Variants in MYO5C observed in about 807,000 individuals in gnomAD.
MYO5C encodes the protein unconventional myosin-Vc.
MYO5C carries 194 observed loss-of-function variants against 235.7 expected under a neutral mutation model. That is an observed-to-expected ratio of 0.82 (90% CI 0.73 to 0.93). The LOEUF (loss-of-function observed/expected upper bound fraction) is 0.93, where lower values mean the gene tolerates loss of function less well. MYO5C is among the 40% of genes least tolerant of loss of function. The pLI is 0.00. For synonymous variants in MYO5C, 707 were observed against 754.8 expected (o/e 0.94, Z 1.04); for missense variants, 2,038 against 2,127.2 (o/e 0.96, Z 0.82).
chr15:52,256,857 G>T, intron 10 of MYO5C, 137 bp from the exon 11 acceptor site: 3 of 631,158 alleles, frequency 4.8e-6, no homozygotes, highest in Admixed American at 2.9e-5. Flanking sequence ...CAAAGCTTCT[G>T]GTTTTAATGA....
At chr15:52,239,711 A>C (rs747829567) in intron 21 of MYO5C, 22 bp downstream of exon 21, 5 of 1,569,912 alleles carry the variant, frequency 3.2e-6, no homozygotes, top group Non-Finnish European at 4.3e-6. Context: ...GTAAATGTAA[A>C]AGATGCACTA....
At chr15:52,290,787 G>C (rs1364054198) in intron 1 of MYO5C, among the ~76,000 whole-genome samples, 1 of 152,062 alleles carries the variant, frequency 6.6e-6, no homozygotes, top group African/African-American at 2.4e-5. Flanking sequence ...GATTCAAAAG[G>C]TTTTTACAAG....
chr15:52,207,277 A>G (rs1258638827), intron 36 of MYO5C, among the ~76,000 whole-genome samples: 3 of 152,260 alleles, frequency 2.0e-5, no homozygotes, highest in African/African-American at 7.2e-5. Flanking sequence ...ACATGGCTGA[A>G]GGGGGCAAAG....
chr15:52,290,673 C>A (rs145852764), intron 1 of MYO5C, among the ~76,000 whole-genome samples: 7 of 150,180 alleles, frequency 4.7e-5, no homozygotes, highest in Non-Finnish European at 7.4e-5. Context: ...AGAGCTCTAC[C>A]GCCTCCCCTT....
chr15:52,196,523 AG>A lies in MYO5C; in HGVS notation c.4821-41del. Reference sequence around the variant, plus strand: ...AGAAGAACAGAGAATACTTTAGGGAAGGGTGCCAGATACTCCTGTGTGTCCC... The same window carrying A: ...AGAAGAACAGAGAATACTTTAGGGAAGGTGCCAGATACTCCTGTGTGTCCC... On this transcript the variant is annotated intron_variant, in intron 38 of 40. Transcript: ENST00000261839. The A allele has an allele frequency of 1.9e-6, 3 of 1,586,484 alleles. No individual in the cohort carries two copies. In the South Asian group the frequency reaches 3.5e-5, roughly 18 times the overall value.
chr15:52,218,926 T>C (rs989520620), intron 31 of MYO5C, among the ~76,000 whole-genome samples: 2 of 152,200 alleles, frequency 1.3e-5, no homozygotes, highest in Non-Finnish European at 2.9e-5. Context: ...AAGAGTTCCA[T>C]TCTCCACCCA....
chr15:52,245,878 T>C lies in MYO5C; in HGVS notation c.2066+78A>G, dbSNP rs995002446. ...AGCCAAAAGTATGTGACAAAAATCA[T>C]GGCAGCCATGTCCTTGGTTCTCAGC... On this transcript the variant is annotated intron_variant, in intron 17 of 40. Transcript: ENST00000261839. The C allele has an allele frequency of 2.2e-5, 29 of 1,339,474 alleles. No individual in the cohort carries two copies. The Admixed American group carries it at 4.3e-4, about 20-fold the overall frequency. 83.0% of individuals were successfully genotyped at this position (1,339,474 alleles called of 1,614,324 possible). A position where few individuals can be genotyped will look rare whatever the true frequency, so the allele number is the denominator to read the frequency against.
intron 19 of MYO5C, among the ~76,000 whole-genome samples, chr15:52,243,729 C>T (rs189310826): frequency 1.3e-3 from 197 of 152,352 alleles, no homozygotes; most frequent in African/African-American, 4.7e-3. Flanking sequence ...TACACCAAAG[C>T]CCTGGAAGTC....
chr15:52,232,169 A>G (rs370089250), intron 24 of MYO5C, among the ~76,000 whole-genome samples: 1 of 9,408 alleles, frequency 1.1e-4, no homozygotes, highest in African/African-American at 1.6e-4. Flanking sequence ...AAGGAAGGGA[A>G]GGAAGGGAGG....
intron 39 of MYO5C, among the ~76,000 whole-genome samples, chr15:52,195,962 CTTTTTTTTTTTTTTTTTT>C (rs71130140): frequency 1.2e-5 from 1 of 80,990 alleles, no homozygotes. Context: ...TCACACCCAG[CTTTTTTTTTTTTTTTTTT>C]TTTTTTTTTT....
chr15:52,213,161 A>G, intron 34 of MYO5C, 27 bp downstream of exon 34: 1 of 1,594,104 alleles, frequency 6.3e-7, no homozygotes, highest in Middle Eastern at 1.7e-4. Flanking sequence ...AGAGAAAGCA[A>G]AAATCCAGAG....
At chr15:52,274,000 C>G (rs948246861) in intron 5 of MYO5C, among the ~76,000 whole-genome samples, 1 of 152,138 alleles carries the variant, frequency 6.6e-6, no homozygotes, top group East Asian at 1.9e-4. Flanking sequence ...CTCACACTCT[C>G]TGGGCAGGAT....
At chr15:52,278,846 G>A (rs2037104282) in intron 4 of MYO5C, 27 bp downstream of exon 4, 2 of 1,612,178 alleles carry the variant, frequency 1.2e-6, no homozygotes, top group East Asian at 2.2e-5. Flanking sequence ...GCAGAGCAAG[G>A]GGAAGTCCAG....
Position 52,196,413 on chromosome 15 carries a change from A to C in MYO5C, c.4891T>G (p.Leu1631Val). Reference sequence around the variant, plus strand: ...CAGGCTGCCTGAGAGAGGGGCTCCAAAGTTTCCTTTGCTAAGCTGTTCTGC... The same window carrying C: ...CAGGCTGCCTGAGAGAGGGGCTCCACAGTTTCCTTTGCTAAGCTGTTCTGC... ...NLQNSLAKETLEPLSQAAWLL... is the reference protein window; with the variant it reads ...NLQNSLAKETVEPLSQAAWLL... Residue 1631 changes from leucine (L) to valine (V), a missense_variant, in exon 39 of 41, where the codon TTG becomes GTG. Transcript: ENST00000261839. 1 of 1,614,210 alleles carries C rather than the reference A, an allele frequency of 6.2e-7. No individual in the cohort carries two copies. Among genetic ancestry groups the C allele is most frequent in the Non-Finnish European group, 8.5e-7 (1 of 1,180,026 alleles).
chr15:52,291,095 C>T (rs1157758181), intron 1 of MYO5C, among the ~76,000 whole-genome samples: 1 of 152,164 alleles, frequency 6.6e-6, no homozygotes, highest in Non-Finnish European at 1.5e-5. Context: ...ATTTGACCCA[C>T]CAGGGGCAGA....
intron 13 of MYO5C, among the ~76,000 whole-genome samples, chr15:52,249,053 C>T (rs1217504634): frequency 2.0e-5 from 3 of 152,240 alleles, no homozygotes; most frequent in Non-Finnish European, 4.4e-5. Flanking sequence ...GGTCCAGTTG[C>T]TCCCTGCGGT....
At chr15:52,205,631 C>T (rs547064122) in intron 37 of MYO5C, 185 bp downstream of exon 37, 30 of 416,378 alleles carry the variant, frequency 7.2e-5, no homozygotes, top group African/African-American at 6.1e-4. Flanking sequence ...CTACCAACAG[C>T]GTACTATTAT....
chr15:52,220,445 C>T (rs909074545), intron 30 of MYO5C, among the ~76,000 whole-genome samples: 4 of 152,240 alleles, frequency 2.6e-5, no homozygotes, highest in East Asian at 1.9e-4. Flanking sequence ...CATCACCTCC[C>T]GGGCTCAAGT....
intron 1 of MYO5C, among the ~76,000 whole-genome samples, chr15:52,293,843 C>T (rs778019117): frequency 1.3e-5 from 2 of 152,236 alleles, no homozygotes; most frequent in Non-Finnish European, 2.9e-5. Context: ...ATTCTGCCAG[C>T]CCCCACTCAA....
Sources: allele counts gnomAD v4.1 joint callset (sites outside exome capture counted in the v4.1 genomes callset), GRCh38; gene constraint gnomAD v4.1.1; transcripts MANE v1.5; gene names NCBI Gene and HGNC (gene_info 2026-07-23, HGNC 2026-07-21).